GALNT10: variants seen among roughly 807,000 people sequenced by gnomAD.
GALNT10 encodes polypeptide N-acetylgalactosaminyltransferase 10, also known as GalNAc transferase 10.
In GALNT10, 41 loss-of-function variants were observed where a neutral mutation model predicts 75.0. That is an observed-to-expected ratio of 0.55 (90% CI 0.43 to 0.71). The LOEUF is 0.71. Ranked by LOEUF, GALNT10 falls within the 30% of genes least tolerant of loss-of-function variation. GALNT10 has a pLI of 0.00. For synonymous variants in GALNT10, 302 were observed against 313.0 expected, an observed-to-expected ratio of 0.96 and a Z score of 0.37; for missense variants, 727 against 818.5, an observed-to-expected ratio of 0.89 and a Z score of 1.36.
At chr5:154,291,634 G>C (rs1005720209) in intron 1 of GALNT10, among the ~76,000 whole-genome samples, 25 of 152,130 alleles carry the variant, frequency 1.6e-4, no homozygotes, top group Non-Finnish European at 3.1e-4. Context: ...TTTCTTCTCT[G>C]TCTGAGGCCC....
chr5:154,273,221 T>G (rs1300777885), intron 1 of GALNT10, among the ~76,000 whole-genome samples: 1 of 152,206 alleles, frequency 6.6e-6, no homozygotes, highest in Non-Finnish European at 1.5e-5. Context: ...CCTGACTTCC[T>G]GTCTAGTGGC....
intron 1 of GALNT10, among the ~76,000 whole-genome samples, chr5:154,243,010 C>T (rs1481856727): frequency 1.3e-5 from 2 of 152,198 alleles, no homozygotes; most frequent in Admixed American, 6.5e-5. Flanking sequence ...GACCATGAAA[C>T]ACAAGCAGAT....
intron 1 of GALNT10, among the ~76,000 whole-genome samples, chr5:154,277,788 CT>C (rs1343508770): frequency 5.9e-5 from 9 of 152,174 alleles, no homozygotes; most frequent in Admixed American, 5.9e-4. Context: ...TCATGTGGTA[CT>C]CATTATCAAC....
intron 1 of GALNT10, among the ~76,000 whole-genome samples, chr5:154,217,787 G>A (rs927473760): frequency 6.6e-6 from 1 of 152,230 alleles, no homozygotes; most frequent in African/African-American, 2.4e-5. Flanking sequence ...GGACCTTCAG[G>A]ATGATGCCTA....
chr5:154,224,011 T>C (rs1753024669), intron 1 of GALNT10, among the ~76,000 whole-genome samples: 1 of 152,068 alleles, frequency 6.6e-6, no homozygotes, highest in African/African-American at 2.4e-5. Flanking sequence ...GGTCCTGGGA[T>C]CTGTTGACTA....
At chr5:154,274,614 T>C (rs891498569) in intron 1 of GALNT10, among the ~76,000 whole-genome samples, 1 of 152,230 alleles carries the variant, frequency 6.6e-6, no homozygotes, top group Non-Finnish European at 1.5e-5. Flanking sequence ...CTACGTGTTC[T>C]TGGTGAAACC....
chr5:154,271,804 A>C (rs892579592), intron 1 of GALNT10, among the ~76,000 whole-genome samples: 5 of 152,230 alleles, frequency 3.3e-5, no homozygotes, highest in Non-Finnish European at 7.3e-5. Flanking sequence ...CAGGTCATCC[A>C]ATAGAGTGTT....
intron 1 of GALNT10, among the ~76,000 whole-genome samples, chr5:154,209,767 G>A (rs1449265171): frequency 6.6e-6 from 1 of 152,186 alleles, no homozygotes; most frequent in Non-Finnish European, 1.5e-5. Context: ...CAACATAGGA[G>A]TTTTGGGGTC....
At chr5:154,241,253 AT>A (rs905706283) in intron 1 of GALNT10, among the ~76,000 whole-genome samples, 3 of 152,178 alleles carry the variant, frequency 2.0e-5, no homozygotes, top group Non-Finnish European at 2.9e-5. Context: ...GTTCCTTAGA[AT>A]TCTGGGCCCC....
chr5:154,232,088 G>A (rs993274596), intron 1 of GALNT10, among the ~76,000 whole-genome samples: 1 of 152,220 alleles, frequency 6.6e-6, no homozygotes, highest in African/African-American at 2.4e-5. Context: ...CTTTAAGGCA[G>A]TGGGAATAAA....
chr5:154,218,171 A>G (rs1267941696), intron 1 of GALNT10: 18 of 981,916 alleles, frequency 1.8e-5, no homozygotes, highest in Non-Finnish European at 1.9e-5. Context: ...ATTTTCTAAC[A>G]AGCCTGGGGC....
At chr5:154,251,795 G>C (rs1297789460) in intron 1 of GALNT10, among the ~76,000 whole-genome samples, 2 of 152,096 alleles carry the variant, frequency 1.3e-5, no homozygotes, top group Non-Finnish European at 2.9e-5. Flanking sequence ...TTCTTTTAGA[G>C]GGAAATGGTA....
intron 2 of GALNT10, 90 bp downstream of exon 2, chr5:154,295,008 G>A: frequency 1.8e-6 from 1 of 567,956 alleles, no homozygotes; most frequent in East Asian, 3.0e-5. Flanking sequence ...GTGTGTGTGT[G>A]TTCATGTGTG....
intron 1 of GALNT10, among the ~76,000 whole-genome samples, chr5:154,278,892 A>T (rs1753993601): frequency 6.6e-6 from 1 of 152,170 alleles, no homozygotes; most frequent in African/African-American, 2.4e-5. Flanking sequence ...CTTCTTTATG[A>T]CTTAATAATA....
intron 1 of GALNT10, among the ~76,000 whole-genome samples, chr5:154,214,052 T>C (rs1035089458): frequency 5.3e-5 from 8 of 152,214 alleles, no homozygotes; most frequent in Admixed American, 5.2e-4. Context: ...GAGTCTTCGT[T>C]TCCTTCCAGT....
intron 1 of GALNT10, among the ~76,000 whole-genome samples, chr5:154,235,165 C>T (rs1285396385): frequency 2.6e-5 from 4 of 152,188 alleles, no homozygotes; most frequent in African/African-American, 7.2e-5. Context: ...GCGGTCCCTT[C>T]GAAGCCCAGC....
intron 1 of GALNT10, among the ~76,000 whole-genome samples, chr5:154,252,975 TTTGTTTGG>T (rs1485718065): frequency 1.7e-5 from 1 of 58,310 alleles, no homozygotes; most frequent in Non-Finnish European, 5.2e-5. Flanking sequence ...CTGTTTTTTG[TTTGTTTGG>T]TTGGTTGGTT....
At chr5:154,199,462 C>T (rs951514846) in intron 1 of GALNT10, among the ~76,000 whole-genome samples, 1 of 152,156 alleles carries the variant, frequency 6.6e-6, no homozygotes, top group African/African-American at 2.4e-5. Context: ...CAGGGGAGCT[C>T]TGTGGTACTT....
chr5:154,409,579 C>T lies in GALNT10; in HGVS notation c.1203C>T (p.Tyr401=), dbSNP rs557019914. The part of the protein sequence containing the change: ...KRVAEVWMDE[Y]AEYIYQRRPE... The stretch of plus-strand genomic sequence containing the variant: ...TGGCCGAAGTGTGGATGGATGAGTA[C>T]GCAGAGTACATTTACCAGCGCCGGC... Residue 401 remains tyrosine (Y), a synonymous_variant, in exon 9 of 12, where the codon TAC becomes TAT. Transcript: ENST00000297107. This position sits in a 1 kb window ranked among gnomAD's most constrained non-coding sequence, Gnocchi z 4.5. 1.5e-5 allele frequency: 25 copies of T among 1,613,816 alleles called. No homozygotes were observed. The highest frequency in any genetic ancestry group is 1.0e-4 in the Admixed American group (6 of 60,020).
Sources: allele counts gnomAD v4.1 joint callset (sites outside exome capture counted in the v4.1 genomes callset), GRCh38; gene constraint gnomAD v4.1.1; non-coding constraint Gnocchi (gnomAD v3.1); transcripts MANE v1.5; gene names NCBI Gene and HGNC (gene_info 2026-07-23, HGNC 2026-07-21).